MACF1: variants seen among roughly 807,000 people sequenced by gnomAD.
MACF1 encodes the protein microtubule actin crosslinking factor 1.
A neutral mutation model predicts 854.8 loss-of-function variants in MACF1; 193 were observed. The observed-to-expected ratio is 0.23, with a 90% CI of 0.20 to 0.25. The LOEUF is 0.25. Ranked by LOEUF, MACF1 falls within the 10% of genes least tolerant of loss-of-function variation. The pLI, the probability that MACF1 is intolerant of heterozygous loss-of-function variation, is 1.00. For synonymous variants in MACF1, 3,185 were observed against 3,226.7 expected (o/e 0.99, Z 0.44); for missense variants, 7,722 against 8,929.1 (o/e 0.86, Z 5.45).
Position 39,459,116 on chromosome 1 carries a change from C to T in MACF1, c.21227C>T (p.Pro7076Leu), listed in dbSNP as rs368764004. ...RKSLSQPTPPPMPILSQSEAK... is the reference protein window; with the variant it reads ...RKSLSQPTPPLMPILSQSEAK... Reference sequence around the variant, plus strand: ...TCCCTAAGTCAGCCAACCCCTCCTCCCATGCCAATCCTTTCACAGTCTGAA... The same window carrying T: ...TCCCTAAGTCAGCCAACCCCTCCTCTCATGCCAATCCTTTCACAGTCTGAA... The change falls in exon 91 of 101, where the codon CCC (proline) becomes CTC (leucine). Residue 7076 changes from proline (P) to leucine (L), a missense_variant. Transcript: ENST00000564288. The T allele has an allele frequency of 1.4e-5, 22 of 1,613,728 alleles. No individual in the cohort carries two copies. Among genetic ancestry groups the T allele is most frequent in the Non-Finnish European group, 1.9e-5 (22 of 1,179,930 alleles).
chr1:39,435,480 A>G, intron 69 of MACF1, 78 bp from the exon 70 acceptor site: 1 of 1,199,812 alleles, frequency 8.3e-7, no homozygotes, highest in Middle Eastern at 2.4e-4. Flanking sequence ...TAAAGTTGAT[A>G]TTAGCTCTGA....
In MACF1 at chr1:39,115,046, G is replaced by A. The variant is rs564993167; in HGVS notation, c.220+30608G>A. On this transcript the variant is annotated intron_variant, in intron 2 of 93. Coordinates refer to the MACF1 transcript ENST00000361689. ...GGAAGGAGAGATGAGATGAGATAGG[G>A]AGAGTGGGCAGGACAAAAATGTTGA... is the stretch of plus-strand genomic sequence containing the variant. 2.6e-5 allele frequency among the ~76,000 whole-genome samples: 4 copies of A among 152,240 alleles called. No homozygotes were observed. In the South Asian group the frequency reaches 6.2e-4, roughly 24 times the overall value.
intron 26 of MACF1, among the ~76,000 whole-genome samples, chr1:39,311,534 T>A (rs1479156322): frequency 6.6e-6 from 1 of 152,192 alleles, no homozygotes; most frequent in East Asian, 1.9e-4. Context: ...TATAATGAGC[T>A]TCCTGAAAAA....
chr1:39,228,736 C>G (rs1644745633), intron 1 of MACF1, among the ~76,000 whole-genome samples: 1 of 152,224 alleles, frequency 6.6e-6, no homozygotes, highest in Non-Finnish European at 1.5e-5. Context: ...TCACTGCAAC[C>G]TCCGCCTCCT....
At chr1:39,311,998 A>G (rs1646310311) in intron 26 of MACF1, among the ~76,000 whole-genome samples, 1 of 152,206 alleles carries the variant, frequency 6.6e-6, no homozygotes, top group Non-Finnish European at 1.5e-5. Flanking sequence ...TATGAGGCAT[A>G]TCATATGAGC....
At chr1:39,368,717 G>T (rs531364508) in intron 50 of MACF1, among the ~76,000 whole-genome samples, 13 of 152,040 alleles carry the variant, frequency 8.6e-5, no homozygotes, top group Non-Finnish European at 2.9e-5. Context: ...GGCCAGGCTG[G>T]TCTCGAACTC....
Position 39,444,812 on chromosome 1 carries a change from A to G in MACF1, c.19582A>G (p.Ser6528Gly). The G allele has an allele frequency of 1.2e-6, 2 of 1,610,192 alleles. No individual in the cohort carries two copies. The highest frequency in any genetic ancestry group is 1.7e-6 in the Non-Finnish European group (2 of 1,177,036). The stretch of plus-strand genomic sequence containing the variant: ...TTTGGAGCAGAAGTGGCATGTGGTC[A>G]GCAGTAAGATGGAAGAAAGAAAGGT... ...ALLEQKWHVVSSKMEERKSKL... is the reference protein window; with the variant it reads ...ALLEQKWHVVGSKMEERKSKL... Residue 6528 changes from serine to glycine, a missense_variant, in exon 80 of 101, where the codon AGC becomes GGC. This residue lies in a region of MACF1 where 729 missense variants were observed against 900.5 expected (regional missense o/e 0.81). Transcript: ENST00000564288.
chr1:39,392,592 A>C (rs2148577283), intron 58 of MACF1, among the ~76,000 whole-genome samples: 1 of 152,268 alleles, frequency 6.6e-6, no homozygotes, highest in Non-Finnish European at 1.5e-5. Flanking sequence ...GGAGACGGAA[A>C]CTCTGCTTTA....
intron 6 of MACF1, among the ~76,000 whole-genome samples, chr1:39,259,988 T>C (rs1283969719): frequency 6.6e-6 from 1 of 152,252 alleles, no homozygotes; most frequent in Non-Finnish European, 1.5e-5. Context: ...AATAATTAGT[T>C]GGTTCGCTAA....
chr1:39,104,589 C>T (rs1642171870), intron 2 of MACF1, among the ~76,000 whole-genome samples: 1 of 152,154 alleles, frequency 6.6e-6, no homozygotes, highest in African/African-American at 2.4e-5. Context: ...GAGGGTCTAT[C>T]CCCTACAGAT....
chr1:39,259,434 A>G (rs1645132439), intron 6 of MACF1, among the ~76,000 whole-genome samples: 1 of 151,398 alleles, frequency 6.6e-6, no homozygotes. Context: ...GCTAATTTAT[A>G]TGTTTTTAGT....
At chr1:39,404,120 C>T (rs1487563912) in intron 58 of MACF1, among the ~76,000 whole-genome samples, 1 of 149,950 alleles carries the variant, frequency 6.7e-6, no homozygotes, top group Non-Finnish European at 1.5e-5. Flanking sequence ...GAGTGAGACT[C>T]TGCCTCAAAA....
At chr1:39,272,093 A>G (rs1420169696) in intron 6 of MACF1, among the ~76,000 whole-genome samples, 1 of 152,214 alleles carries the variant, frequency 6.6e-6, no homozygotes, top group Non-Finnish European at 1.5e-5. Context: ...AAACTAAGTG[A>G]CCGAGTCTCA....
rs141858850 is a variant in MACF1, at chr1:39,387,589, T to A, written c.14747T>A (p.Val4916Glu). The change falls in exon 58 of 101, where the codon GTG becomes GAG. Residue 4916 changes from valine to glutamate, a missense_variant. Transcript: ENST00000564288. The part of the protein sequence containing the change: ...QKYQWHVEDL[V>E]PWIEDCKAKM... The stretch of plus-strand genomic sequence containing the variant: ...TATCAGTGGCATGTGGAAGACCTTG[T>A]GCCATGGATAGAAGATTGTAAAGCT... 46 of 1,614,062 alleles carry A rather than the reference T, an allele frequency of 2.8e-5. No homozygotes were observed. The highest frequency in any genetic ancestry group is 3.7e-5 in the Non-Finnish European group (44 of 1,180,044).
Position 39,381,999 on chromosome 1 carries a change from G to A in MACF1, c.13695G>A (p.Arg4565=). ...RATEVTVARQ[R]QLEESASHLA... ...CTGAGGTTACTGTGGCTCGGCAAAGGCAGCTAGAGGAATCTGCAAGTCATC... is the reference window on the plus strand; with the variant it reads ...CTGAGGTTACTGTGGCTCGGCAAAGACAGCTAGAGGAATCTGCAAGTCATC... The change falls in exon 56 of 101, where the codon AGG becomes AGA. Residue 4565 remains arginine (R), a synonymous_variant. Transcript: ENST00000564288. 6.2e-7 allele frequency: 1 copy of A among 1,614,070 alleles called. No individual in the cohort carries two copies. Among genetic ancestry groups the A allele is most frequent in the South Asian group, 1.1e-5 (1 of 91,078 alleles).
In MACF1 at chr1:39,331,735, G is replaced by A. The variant is rs780441937; in HGVS notation, c.5147G>A (p.Arg1716Gln). ...EKIGLLDLMQ[R>Q]CIVHQESGFK... ...ATTGGTTTGCTGGATCTGATGCAGCGATGTATTGTCCACCAGGAATCAGGA... is the reference window on the plus strand; with the variant it reads ...ATTGGTTTGCTGGATCTGATGCAGCAATGTATTGTCCACCAGGAATCAGGA... The change falls in exon 37 of 101, where the codon CGA (arginine) becomes CAA (glutamine). Residue 1716 changes from arginine to glutamine, a missense_variant. Arg to Gln is a conservative substitution (Grantham distance 43). Coordinates refer to ENST00000564288, the MANE Select transcript of MACF1 (RefSeq NM_001394062.1). The A allele has an allele frequency of 1.7e-5, 28 of 1,614,022 alleles. No homozygotes were observed. The highest frequency in any genetic ancestry group is 6.7e-5 in the African/African-American group (5 of 74,918).
intron 56 of MACF1, among the ~76,000 whole-genome samples, chr1:39,382,589 A>C (rs1334379515): frequency 6.6e-6 from 1 of 151,794 alleles, no homozygotes; most frequent in Non-Finnish European, 1.5e-5. Flanking sequence ...CTGAAATCCC[A>C]GCTACTTGGG....
intron 2 of MACF1, among the ~76,000 whole-genome samples, chr1:39,245,299 A>T (rs1289402119): frequency 6.6e-6 from 1 of 151,968 alleles, no homozygotes; most frequent in East Asian, 1.9e-4. Flanking sequence ...TTTTATTATT[A>T]TTATTTTTGA....
chr1:39,396,860 C>T (rs527676883), intron 58 of MACF1, among the ~76,000 whole-genome samples: 29 of 152,330 alleles, frequency 1.9e-4, no homozygotes, highest in African/African-American at 7.0e-4. Context: ...TCAGCTGTCC[C>T]AGTTGGAAAA....
Sources: gnomAD v4.1 joint callset for allele counts (sites outside exome capture counted in the v4.1 genomes callset) on GRCh38, gnomAD v4.1.1 for gene constraint, gnomAD v4.1.1 regional missense constraint, MANE v1.5 for transcripts, NCBI Gene and HGNC (gene_info 2026-07-23, HGNC 2026-07-21) for gene names.